Variants in PTPRD observed in about 807,000 individuals in gnomAD.
PTPRD encodes the protein protein tyrosine phosphatase receptor type D, also known as receptor-type tyrosine-protein phosphatase delta.
In PTPRD, 34 loss-of-function variants were observed where a neutral mutation model predicts 214.5. The observed-to-expected ratio is 0.16, with a 90% CI of 0.12 to 0.21. The LOEUF is 0.21. Among genes scored for constraint, PTPRD ranks in the 10% least tolerant of loss-of-function variants. The pLI is 1.00. For missense variants in PTPRD, 2,545 were observed against 2,398.7 expected, an observed-to-expected ratio of 1.06 and a Z score of -1.27; for synonymous variants, 1,128 against 845.7, an observed-to-expected ratio of 1.33 and a Z score of -5.79.
intron 9 of PTPRD, among the ~76,000 whole-genome samples, chr9:9,218,537 C>T (rs547988650): frequency 1.3e-5 from 2 of 152,222 alleles, no homozygotes; most frequent in Non-Finnish European, 1.5e-5. Context: ...AGAAAGGACA[C>T]TGGTGTTTTT....
intron 3 of PTPRD, among the ~76,000 whole-genome samples, chr9:10,043,395 G>A (rs1349388539): frequency 6.6e-6 from 1 of 151,790 alleles, no homozygotes; most frequent in Non-Finnish European, 1.5e-5. Context: ...CTCTTTAAAT[G>A]TGATGTTTTA....
intron 34 of PTPRD, among the ~76,000 whole-genome samples, chr9:8,449,090 T>G (rs984409794): frequency 6.6e-6 from 1 of 152,322 alleles, no homozygotes. Flanking sequence ...GTAGGAATAG[T>G]AGTGTTCCTC....
At chr9:9,432,427 C>T (rs12003570) in intron 8 of PTPRD, among the ~76,000 whole-genome samples, 2,771 of 152,226 alleles carry the variant, frequency 0.018, 83 homozygotes, top group African/African-American at 0.063. Context: ...TTTTAAAATG[C>T]TTCTATAGAC....
chr9:8,450,278 G>C (rs1243665267), intron 33 of PTPRD, among the ~76,000 whole-genome samples: 1 of 152,072 alleles, frequency 6.6e-6, no homozygotes, highest in Admixed American at 6.5e-5. Context: ...GTCCCCCTTA[G>C]CCCTAAGTAT....
At chr9:10,320,425 G>T (rs2096532772) in intron 3 of PTPRD, among the ~76,000 whole-genome samples, 1 of 151,942 alleles carries the variant, frequency 6.6e-6, no homozygotes, top group Non-Finnish European at 1.5e-5. Context: ...CTCCTAAAAA[G>T]GTAGAATAAA....
chr9:9,795,581 C>T (rs149773910), intron 5 of PTPRD, among the ~76,000 whole-genome samples: 222 of 152,256 alleles, frequency 1.5e-3, no homozygotes, highest in African/African-American at 5.1e-3. Context: ...AGGGAGTATA[C>T]ATGCTAGATA....
At chr9:8,465,297 A>G (rs183205617) in intron 32 of PTPRD, among the ~76,000 whole-genome samples, 169 bp downstream of exon 32, 412 of 152,020 alleles carry the variant, frequency 2.7e-3, no homozygotes, top group Non-Finnish European at 3.2e-3. Context: ...ATGCAGTCTC[A>G]AGGAGTATAT....
At chr9:9,617,453 C>A (rs10977879) in intron 7 of PTPRD, among the ~76,000 whole-genome samples, 165 of 151,908 alleles carry the variant, frequency 1.1e-3, no homozygotes, top group African/African-American at 4.0e-3. Context: ...CAATCTTTTA[C>A]GGAAATAAGT....
At chr9:8,952,621 A>G (rs891553530) in intron 11 of PTPRD, among the ~76,000 whole-genome samples, 8 of 151,886 alleles carry the variant, frequency 5.3e-5, no homozygotes, top group Admixed American at 2.0e-4. Context: ...AGGAGCTTCA[A>G]GAAAACTAAT....
chr9:9,005,938 A>T (rs897194594), intron 11 of PTPRD, among the ~76,000 whole-genome samples: 3 of 152,052 alleles, frequency 2.0e-5, no homozygotes, highest in African/African-American at 7.2e-5. Flanking sequence ...TTATTTGGAA[A>T]ATATACAGTT....
At chr9:10,312,570 C>T (rs994592040) in intron 3 of PTPRD, among the ~76,000 whole-genome samples, 16 of 151,918 alleles carry the variant, frequency 1.1e-4, no homozygotes, top group Non-Finnish European at 1.6e-4. Flanking sequence ...TGCCTGCATC[C>T]TTTACCTGAT....
chr9:10,460,578 A>G (rs188735675), intron 2 of PTPRD, among the ~76,000 whole-genome samples: 377 of 152,322 alleles, frequency 2.5e-3, no homozygotes, highest in African/African-American at 7.9e-3. Context: ...AAACATATAC[A>G]GTCAACTAAT....
intron 11 of PTPRD, among the ~76,000 whole-genome samples, chr9:8,933,476 A>G (rs1379867804): frequency 6.6e-6 from 1 of 151,458 alleles, no homozygotes; most frequent in African/African-American, 2.4e-5. Flanking sequence ...TTACATGAGT[A>G]CATTTTATCT....
intron 10 of PTPRD, among the ~76,000 whole-genome samples, chr9:9,113,140 T>C: frequency 6.9e-6 from 1 of 145,586 alleles, no homozygotes; most frequent in Non-Finnish European, 1.5e-5. Context: ...AATTAAAAAA[T>C]ATATATATAT....
At chr9:8,886,386 T>C (rs1039037814) in intron 11 of PTPRD, among the ~76,000 whole-genome samples, 16 of 152,380 alleles carry the variant, frequency 1.1e-4, no homozygotes, top group African/African-American at 3.8e-4. Context: ...TATGCTGTTA[T>C]ATAAATTATA....
At chr9:8,639,691 G>A (rs759198092) in intron 12 of PTPRD, among the ~76,000 whole-genome samples, 5 of 152,138 alleles carry the variant, frequency 3.3e-5, no homozygotes, top group South Asian at 2.1e-4. Flanking sequence ...CTGCAACTAG[G>A]CAATGGATGC....
At chr9:8,353,427 T>C (rs1274728628) in intron 39 of PTPRD, among the ~76,000 whole-genome samples, 2 of 46,434 alleles carry the variant, frequency 4.3e-5, no homozygotes, top group African/African-American at 7.6e-5. Context: ...TATGAATGTA[T>C]GAATGAATGA....
chr9:9,885,800 A>G (rs1348379249), intron 5 of PTPRD, among the ~76,000 whole-genome samples: 1 of 151,970 alleles, frequency 6.6e-6, no homozygotes, highest in African/African-American at 2.4e-5. Context: ...ACTGTAAGAT[A>G]GTAATTTTGT....
intron 7 of PTPRD, among the ~76,000 whole-genome samples, chr9:9,607,292 G>T (rs1026837007): frequency 2.4e-4 from 36 of 151,926 alleles, no homozygotes; most frequent in African/African-American, 8.7e-4. Flanking sequence ...TTTACTAATG[G>T]GTCTTTTATC....
Sources: gnomAD v4.1 joint callset for allele counts (sites outside exome capture counted in the v4.1 genomes callset) on GRCh38, gnomAD v4.1.1 for gene constraint, MANE v1.5 for transcripts, NCBI Gene and HGNC (gene_info 2026-07-23, HGNC 2026-07-21) for gene names.